HMG20A: variants seen among roughly 807,000 people sequenced by gnomAD.
HMG20A encodes the protein high mobility group 20A, also known as high mobility group protein 20A.
In HMG20A, 17 loss-of-function variants were observed where a neutral mutation model predicts 43.9. That is an observed-to-expected ratio of 0.39 (90% CI 0.27 to 0.58). The LOEUF (loss-of-function observed/expected upper bound fraction) is 0.58, where lower values mean the gene tolerates loss of function less well. Among genes scored for constraint, HMG20A ranks in the 20% least tolerant of loss-of-function variants. The probability of loss-of-function intolerance (pLI) is 0.59; values close to 1 mark genes in which losing one functional copy is unlikely to be tolerated. For missense variants in HMG20A, 341 were observed against 438.2 expected (o/e 0.78, Z 1.98); for synonymous variants, 132 against 147.5 (o/e 0.89, Z 0.76).
downstream of HMG20A, among the ~76,000 whole-genome samples, chr15:77,487,416 T>C (rs1329886613): frequency 6.6e-6 from 1 of 152,198 alleles, no homozygotes; most frequent in Non-Finnish European, 1.5e-5. Flanking sequence ...TTATCTTGCC[T>C]TTGTCTCTTG....
At chr15:77,508,198 C>T in the HMG20A span, among the ~76,000 whole-genome samples, 3 of 152,262 alleles carry the variant, frequency 2.0e-5, no homozygotes, top group East Asian at 1.9e-4. Context: ...AAGCCTGAAC[C>T]GTCCAGCTAA....
intron 1 of HMG20A, among the ~76,000 whole-genome samples, chr15:77,431,395 A>C (rs1050753006): frequency 3.9e-5 from 6 of 152,094 alleles, no homozygotes; most frequent in Non-Finnish European, 2.9e-5. Flanking sequence ...TATTTTTAGT[A>C]GAGACAAGGT....
rs371287726 is a variant in HMG20A at position 77,474,157 on chromosome 15, A to G, written c.615+2343A>G. On this transcript the variant is annotated intron_variant, in intron 6 of 9. Transcript: ENST00000336216. ...GGAGCCCATGGAAAGGAGTAATTGAATCAGGACTTAAAAATGACCTAGGTT... is the reference window on the plus strand; with the variant it reads ...GGAGCCCATGGAAAGGAGTAATTGAGTCAGGACTTAAAAATGACCTAGGTT... Among the ~76,000 whole-genome samples, 37 of 152,322 alleles carry G rather than the reference A, an allele frequency of 2.4e-4. No individual in the cohort carries two copies. In the East Asian group the frequency reaches 2.9e-3, roughly 12 times the overall value.
At chr15:77,478,133 C>G (rs964881866) in intron 7 of HMG20A, 162 bp from the exon 8 acceptor site, 2 of 641,442 alleles carry the variant, frequency 3.1e-6, no homozygotes, top group East Asian at 2.7e-5. Flanking sequence ...TCAGGCGTTT[C>G]ATTGCTGAAA....
intron 1 of HMG20A, among the ~76,000 whole-genome samples, chr15:77,430,875 C>A (rs1398820734): frequency 6.6e-6 from 1 of 152,116 alleles, no homozygotes; most frequent in African/African-American, 2.4e-5. Flanking sequence ...AGAAGTCTAA[C>A]ATACATATGA....
In HMG20A at chr15:77,451,329, G is replaced by A. The variant is rs2072599985; in HGVS notation, c.-4-7075G>A. On this transcript the variant is annotated intron_variant, in intron 1 of 9. Coordinates refer to ENST00000336216, the MANE Select transcript of HMG20A (RefSeq NM_001304504.2). ...GTATGGCAAGAGTATGTTTAATTTTGTAAAAAACTTCCTGTCTTTTGAAAT... is the reference window on the plus strand; with the variant it reads ...GTATGGCAAGAGTATGTTTAATTTTATAAAAAACTTCCTGTCTTTTGAAAT... Among the ~76,000 whole-genome samples, 3 of 152,248 alleles carry A rather than the reference G, an allele frequency of 2.0e-5. No individual in the cohort carries two copies. In the East Asian group the frequency reaches 5.8e-4, roughly 29 times the overall value.
At chr15:77,519,215 A>T in the HMG20A span, among the ~76,000 whole-genome samples, 1 of 152,186 alleles carries the variant, frequency 6.6e-6, no homozygotes, top group Non-Finnish European at 1.5e-5. Flanking sequence ...TCCAGGGTAG[A>T]AGTAGGGGAG....
At chr15:77,450,802 A>G (rs1252990151) in intron 1 of HMG20A, among the ~76,000 whole-genome samples, 2 of 152,196 alleles carry the variant, frequency 1.3e-5, no homozygotes, top group Non-Finnish European at 2.9e-5. Flanking sequence ...GAATTTTTGT[A>G]TTTTGTATTT....
intron 1 of HMG20A, among the ~76,000 whole-genome samples, chr15:77,443,372 TGA>T (rs779245742): frequency 2.1e-3 from 279 of 133,256 alleles, no homozygotes; most frequent in Non-Finnish European, 2.6e-3. Flanking sequence ...ATGATGATGA[TGA>T]TGATGATTAT....
the HMG20A span, among the ~76,000 whole-genome samples, chr15:77,500,892 C>A: frequency 6.6e-6 from 1 of 152,076 alleles, no homozygotes; most frequent in Non-Finnish European, 1.5e-5. Context: ...TTTAAACTTT[C>A]TTTTTGAAAT....
chr15:77,497,068 G>T, the HMG20A span, among the ~76,000 whole-genome samples: 1 of 152,202 alleles, frequency 6.6e-6, no homozygotes, highest in Admixed American at 6.5e-5. Context: ...CGGCAGCTCT[G>T]TTACAATCCA....
chr15:77,481,923 A>C (rs1402383814), intron 9 of HMG20A: 1 of 152,222 alleles, frequency 6.6e-6, no homozygotes, highest in African/African-American at 2.4e-5. Flanking sequence ...AGAGTTTGGC[A>C]AAGTTTTCAT....
chr15:77,454,030 T>C (rs765289260), intron 1 of HMG20A, among the ~76,000 whole-genome samples: 9 of 151,412 alleles, frequency 5.9e-5, no homozygotes, highest in Non-Finnish European at 1.2e-4. Flanking sequence ...AATTAAAAAT[T>C]AGCCAGGCGT....
intron 6 of HMG20A, among the ~76,000 whole-genome samples, chr15:77,475,856 C>T (rs2072849826): frequency 6.6e-6 from 1 of 152,186 alleles, no homozygotes; most frequent in Admixed American, 6.5e-5. Context: ...TTGAAATCCC[C>T]TAGGAACTGG....
rs1014091929 is a variant in HMG20A at position 77,466,960 on chromosome 15, G to A, written c.238-135G>A. The A allele has an allele frequency of 1.5e-5, 10 of 680,408 alleles. No individual in the cohort carries two copies. In the Admixed American group the frequency reaches 2.0e-4, roughly 13 times the overall value. 42.1% of individuals were successfully genotyped at this position (680,408 alleles called of 1,614,324 possible). A position where few individuals can be genotyped will look rare whatever the true frequency, so the allele number is the denominator to read the frequency against. On this transcript the variant is annotated intron_variant, in intron 3 of 9. Coordinates refer to ENST00000336216, the MANE Select transcript of HMG20A (RefSeq NM_001304504.2). ...ATATTACCTACAACAGATGTGGAGAGCTTTGAATATCCAGGGCCAAATTGC... is the reference window on the plus strand; with the variant it reads ...ATATTACCTACAACAGATGTGGAGAACTTTGAATATCCAGGGCCAAATTGC...
chr15:77,513,672 A>G, the HMG20A span, among the ~76,000 whole-genome samples: 9 of 151,158 alleles, frequency 6.0e-5, no homozygotes, highest in African/African-American at 1.9e-4. Flanking sequence ...TCTTATAAGG[A>G]CACCAGTTCT....
intron 1 of HMG20A, among the ~76,000 whole-genome samples, chr15:77,424,099 C>G (rs749943472): frequency 1.4e-4 from 22 of 152,108 alleles, no homozygotes; most frequent in Non-Finnish European, 2.6e-4. Context: ...CTTGGTATTC[C>G]TAAATAAGAT....
intron 1 of HMG20A, among the ~76,000 whole-genome samples, chr15:77,421,678 A>T (rs1292103450): frequency 1.3e-5 from 2 of 152,240 alleles, no homozygotes; most frequent in Admixed American, 6.5e-5. Context: ...TCTTAGCAGA[A>T]TGAAAGTATC....
At chr15:77,464,846 C>T (rs1478405788) in intron 3 of HMG20A, 1 of 152,386 alleles carries the variant, frequency 6.6e-6, no homozygotes, top group Non-Finnish European at 1.5e-5. Flanking sequence ...CAGTCATGCC[C>T]TTGTTGGACT....
Sources: gnomAD v4.1 joint callset for allele counts (sites outside exome capture counted in the v4.1 genomes callset) on GRCh38, gnomAD v4.1.1 for gene constraint, MANE v1.5 for transcripts, NCBI Gene and HGNC (gene_info 2026-07-23, HGNC 2026-07-21) for gene names.